The following PDSS1 variants were observed in gnomAD, a reference collection of about 807,000 sequenced individuals.
The protein encoded by PDSS1 is all trans-polyprenyl-diphosphate synthase PDSS1.
In PDSS1, 43 loss-of-function variants were observed where a neutral mutation model predicts 57.5. The ratio of observed to expected loss-of-function variants is 0.75; its 90% CI spans 0.59 to 0.96. The LOEUF (loss-of-function observed/expected upper bound fraction) is 0.96, where lower values mean the gene tolerates loss of function less well. Ranked by LOEUF, PDSS1 falls within the 50% of genes least tolerant of loss-of-function variation. The pLI, the probability that PDSS1 is intolerant of heterozygous loss-of-function variation, is 0.00. For missense variants in PDSS1, 438 were observed against 527.8 expected, an observed-to-expected ratio of 0.83 and a Z score of 1.67; for synonymous variants, 175 against 191.3, an observed-to-expected ratio of 0.91 and a Z score of 0.70.
At chr10:26,704,653 TTTC>T (rs1835151321) in intron 2 of PDSS1, 21 bp from the exon 3 acceptor site, 1 of 976,964 alleles carries the variant, frequency 1.0e-6, no homozygotes, top group African/African-American at 1.6e-5. Context: ...TTCTTACAAG[TTTC>T]TTGACATTTT....
At chr10:26,730,094 A>G (rs1836123507) in intron 8 of PDSS1, among the ~76,000 whole-genome samples, 1 of 151,196 alleles carries the variant, frequency 6.6e-6, no homozygotes, top group African/African-American at 2.4e-5. Context: ...TTGTATTTTT[A>G]GTAGAGATGG....
At chr10:26,707,887 C>T (rs191923737) in intron 4 of PDSS1, among the ~76,000 whole-genome samples, 16 of 152,352 alleles carry the variant, frequency 1.1e-4, no homozygotes, top group Non-Finnish European at 2.1e-4. Flanking sequence ...CCTTGGGAAC[C>T]TGGGAAGAAC....
At chr10:26,706,503 C>T (rs1215438359) in intron 4 of PDSS1, among the ~76,000 whole-genome samples, 1 of 152,200 alleles carries the variant, frequency 6.6e-6, no homozygotes, top group African/African-American at 2.4e-5. Flanking sequence ...CTTAGCCAAC[C>T]TCCCTAGTTT....
intron 5 of PDSS1, among the ~76,000 whole-genome samples, chr10:26,719,614 A>G (rs1835714601): frequency 1.3e-5 from 2 of 152,270 alleles, no homozygotes; most frequent in Admixed American, 1.3e-4. Flanking sequence ...CTAAAAATAT[A>G]AAATTTAGCT....
chr10:26,704,708 C>A lies in PDSS1; in HGVS notation c.194C>A (p.Thr65Lys). Residue 65 changes from threonine to lysine, a missense_variant, in exon 3 of 12, where the codon ACA (threonine) becomes AAA (lysine). Coordinates refer to ENST00000376215, the MANE Select transcript of PDSS1 (RefSeq NM_014317.5). The stretch of plus-strand genomic sequence containing the variant: ...TATATTAATCTTGTGAAGCATTTAA[C>A]ATCTGCCTGTCCAAATGTATGTCGT... The part of the protein sequence containing the change: ...IPYINLVKHL[T>K]SACPNVCRIS... 1 of 1,449,914 alleles carries A rather than the reference C, an allele frequency of 6.9e-7. No individual in the cohort carries two copies. Among genetic ancestry groups the A allele is most frequent in the Non-Finnish European group, 9.7e-7 (1 of 1,030,830 alleles). The allele number at this position is 1,449,914 out of a possible 1,614,324, so 89.8% of individuals were successfully genotyped here. A position where few individuals can be genotyped will look rare whatever the true frequency, so the allele number is the denominator to read the frequency against.
chr10:26,721,770 T>C (rs1312792640), intron 6 of PDSS1, among the ~76,000 whole-genome samples: 1 of 152,134 alleles, frequency 6.6e-6, no homozygotes, highest in Non-Finnish European at 1.5e-5. Flanking sequence ...CAAATGATGG[T>C]CTCCGCCTTG....
intron 8 of PDSS1, among the ~76,000 whole-genome samples, chr10:26,726,892 T>C (rs1288544835): frequency 6.6e-6 from 1 of 152,168 alleles, no homozygotes; most frequent in Non-Finnish European, 1.5e-5. Flanking sequence ...CAAAACCCCG[T>C]CTGTACTAAA....
intron 5 of PDSS1, among the ~76,000 whole-genome samples, chr10:26,717,018 T>G (rs1324617153): frequency 6.6e-6 from 1 of 152,160 alleles, no homozygotes; most frequent in Admixed American, 6.5e-5. Flanking sequence ...CCCACCCTCA[T>G]GTTATGGATA....
Position 26,735,340 on chromosome 10 carries a change from G to A in PDSS1, c.912+20G>A. ...TTTCAGGTTAGTATGCTTTTTATTTGTAAGAATGGTGGCGTAGTGATACAG... is the reference window on the plus strand; with the variant it reads ...TTTCAGGTTAGTATGCTTTTTATTTATAAGAATGGTGGCGTAGTGATACAG... On this transcript the variant is annotated intron_variant, in intron 9 of 11. Transcript: ENST00000376215. The A allele has an allele frequency of 6.5e-7, 1 of 1,548,200 alleles. No individual in the cohort carries two copies. The highest frequency in any genetic ancestry group is 8.9e-7 in the Non-Finnish European group (1 of 1,119,828).
intron 6 of PDSS1, among the ~76,000 whole-genome samples, chr10:26,722,759 T>C (rs1835830195): frequency 6.6e-6 from 1 of 151,824 alleles, no homozygotes; most frequent in African/African-American, 2.4e-5. Context: ...TAATGTGATA[T>C]ATAGGGTGTA....
intron 4 of PDSS1, among the ~76,000 whole-genome samples, chr10:26,708,283 G>C (rs1835308227): frequency 6.6e-6 from 1 of 152,202 alleles, no homozygotes; most frequent in Non-Finnish European, 1.5e-5. Flanking sequence ...ACTGCATCCA[G>C]GGGATAAACT....
chr10:26,698,869 A>G (rs1834959417), intron 1 of PDSS1, among the ~76,000 whole-genome samples: 1 of 152,248 alleles, frequency 6.6e-6, no homozygotes, highest in Non-Finnish European at 1.5e-5. Flanking sequence ...CACACCTGTA[A>G]TCCCAGCACT....
chr10:26,743,296 C>T (rs1050508167), intron 11 of PDSS1, among the ~76,000 whole-genome samples: 7 of 152,142 alleles, frequency 4.6e-5, no homozygotes, highest in Non-Finnish European at 8.8e-5. Flanking sequence ...CATTTGCAGC[C>T]AACAGATCTA....
At position 26,713,067 on chromosome 10, in the gene PDSS1, C is replaced by T. The variant is rs1312391300; in HGVS notation, c.467+3299C>T. The stretch of plus-strand genomic sequence containing the variant: ...CAGCACTTTGGGAGGCTGAGGCAGG[C>T]GGGTCACGAGGTCAGGAGATCAAGA... On this transcript the variant is annotated intron_variant, in intron 5 of 11. Coordinates refer to ENST00000376215, the MANE Select transcript of PDSS1 (RefSeq NM_014317.5). 1.8e-4 allele frequency among the ~76,000 whole-genome samples: 17 copies of T among 94,918 alleles called. 5 individuals carry two copies. Among genetic ancestry groups the T allele is most frequent in the Non-Finnish European group, 1.2e-4 (5 of 41,438 alleles). The allele number at this position is 94,918 out of a possible 152,430, so 62.3% of individuals were successfully genotyped here.
intron 8 of PDSS1, among the ~76,000 whole-genome samples, chr10:26,733,757 C>T (rs559213346): frequency 5.3e-5 from 8 of 152,096 alleles, no homozygotes; most frequent in South Asian, 2.1e-4. Context: ...GGGAGGATCA[C>T]GAGCCCAGGA....
In PDSS1 at chr10:26,722,703, C is replaced by CA. The variant is rs1275596672; in HGVS notation, c.610-1089dup. Among the ~76,000 whole-genome samples the CA allele has an allele frequency of 4.7e-3, 482 of 103,146 alleles. 2 individuals are homozygous for CA. The highest frequency in any genetic ancestry group is 0.011 in the African/African-American group (328 of 29,888). The allele number at this position is 103,146 out of a possible 152,430, so 67.7% of individuals were successfully genotyped here. A position where few individuals can be genotyped will look rare whatever the true frequency, so the allele number is the denominator to read the frequency against. On this transcript the variant is annotated intron_variant, in intron 6 of 11. Transcript: ENST00000376215. ...TGGGCAACAGAGCAAGACTCTTTCT[C>CA]AAAAAAAAAAAAAAGAATGTAATAT...
chr10:26,710,827 C>T lies in PDSS1; in HGVS notation c.467+1059C>T, dbSNP rs528315031. On this transcript the variant is annotated intron_variant, in intron 5 of 11. Coordinates refer to ENST00000376215, the MANE Select transcript of PDSS1 (RefSeq NM_014317.5). ...GGGGAGAGGATACAGGACTGGGTAG[C>T]AGGAGAAGCTGAGCTGGAATCAACA... Among the ~76,000 whole-genome samples, 167 of 99,086 alleles carry T rather than the reference C, an allele frequency of 1.7e-3. 40 individuals carry two copies. Among genetic ancestry groups the T allele is most frequent in the Middle Eastern group, 0.012 (2 of 172 alleles). The allele number at this position is 99,086 out of a possible 152,430, so 65.0% of individuals were successfully genotyped here. A position where few individuals can be genotyped will look rare whatever the true frequency, so the allele number is the denominator to read the frequency against.
chr10:26,716,850 C>T (rs1835599731), intron 5 of PDSS1, among the ~76,000 whole-genome samples: 1 of 152,198 alleles, frequency 6.6e-6, no homozygotes, highest in African/African-American at 2.4e-5. Flanking sequence ...TGCCTGTCAC[C>T]TCTCCCAGAT....
At chr10:26,724,383 T>C (rs777298408) in intron 8 of PDSS1, among the ~76,000 whole-genome samples, 7 of 152,106 alleles carry the variant, frequency 4.6e-5, no homozygotes, top group Non-Finnish European at 8.8e-5. Flanking sequence ...TCCCGCACCT[T>C]CCCCAATCTG....
Sources: allele counts gnomAD v4.1 joint callset (sites outside exome capture counted in the v4.1 genomes callset), GRCh38; gene constraint gnomAD v4.1.1; transcripts MANE v1.5; gene names NCBI Gene and HGNC (gene_info 2026-07-23, HGNC 2026-07-21).